Variants in TMEM63C observed in about 807,000 individuals in gnomAD.
TMEM63C encodes osmosensitive cation channel TMEM63C.
TMEM63C carries 32 observed loss-of-function variants against 99.2 expected under a neutral mutation model. The ratio of observed to expected loss-of-function variants is 0.32; its 90% CI spans 0.24 to 0.43. TMEM63C has a LOEUF of 0.43. Among genes scored for constraint, TMEM63C ranks in the 20% least tolerant of loss-of-function variants. TMEM63C has a pLI of 1.00. For synonymous variants in TMEM63C, 376 were observed against 397.9 expected, an observed-to-expected ratio of 0.94 and a Z score of 0.66; for missense variants, 826 against 1,053.0, an observed-to-expected ratio of 0.78 and a Z score of 2.98.
intron 20 of TMEM63C, 149 bp downstream of exon 20, chr14:77,249,021 C>A: frequency 2.4e-6 from 2 of 817,958 alleles, no homozygotes; most frequent in Non-Finnish European, 4.1e-6. Context: ...GGGTACAGGG[C>A]AGCTGAGGTT....
chr14:77,243,155 G>A, intron 15 of TMEM63C, 99 bp downstream of exon 15: 2 of 1,404,554 alleles, frequency 1.4e-6, no homozygotes, highest in South Asian at 1.3e-5. Context: ...AGGGGGCTGT[G>A]GAGCCCATAC....
chr14:77,216,817 G>A (rs1430194893), intron 2 of TMEM63C, among the ~76,000 whole-genome samples: 1 of 152,040 alleles, frequency 6.6e-6, no homozygotes, highest in African/African-American at 2.4e-5. Flanking sequence ...GACCCTGGCC[G>A]AGCTCTCCGC....
At chr14:77,215,715 C>G (rs1361683173) in intron 2 of TMEM63C, among the ~76,000 whole-genome samples, 1 of 152,086 alleles carries the variant, frequency 6.6e-6, no homozygotes, top group South Asian at 2.1e-4. Flanking sequence ...AGCATGTGTG[C>G]TGCCTTCCCT....
intron 1 of TMEM63C, among the ~76,000 whole-genome samples, chr14:77,205,222 G>A (rs1445774765): frequency 2.6e-5 from 4 of 152,208 alleles, no homozygotes; most frequent in Non-Finnish European, 5.9e-5. Context: ...AGAACACTAG[G>A]CAGGGCCCCA....
chr14:77,234,554 T>C (rs1056317164), intron 8 of TMEM63C, among the ~76,000 whole-genome samples: 3 of 152,232 alleles, frequency 2.0e-5, no homozygotes, highest in Non-Finnish European at 4.4e-5. Context: ...CCATGTAGCC[T>C]TGCCCTTCTG....
At chr14:77,190,002 T>C (rs1358411986) in intron 1 of TMEM63C, among the ~76,000 whole-genome samples, 3 of 152,226 alleles carry the variant, frequency 2.0e-5, no homozygotes, top group Non-Finnish European at 4.4e-5. Context: ...TGTCATTTTA[T>C]GATTTTTTAG....
chr14:77,230,789 CA>C (rs1208940529), intron 6 of TMEM63C, among the ~76,000 whole-genome samples: 3 of 152,172 alleles, frequency 2.0e-5, no homozygotes, highest in Non-Finnish European at 4.4e-5. Context: ...TCCCTGGTGC[CA>C]AAAAGGTTAG....
At chr14:77,249,659 C>T (rs1172882342) in intron 21 of TMEM63C, among the ~76,000 whole-genome samples, 1 of 152,204 alleles carries the variant, frequency 6.6e-6, no homozygotes, top group Non-Finnish European at 1.5e-5. Flanking sequence ...AGAGGAGGCC[C>T]TGGACCAACA....
chr14:77,231,836 C>A, intron 7 of TMEM63C, 106 bp downstream of exon 7: 1 of 1,282,948 alleles, frequency 7.8e-7, no homozygotes, highest in Non-Finnish European at 1.1e-6. Flanking sequence ...TTTAATCCTG[C>A]CTCTGGGAGT....
At position 77,249,302 on chromosome 14, in the gene TMEM63C, C is replaced by A; in HGVS notation, c.1882C>A (p.Leu628Met). ...PIIVPFGLLY[L>M]CMKHLTDRYN... is the part of the protein sequence containing the mutation. ...CCTTTGTCCCCCAGGGTTGCTCTAC[C>A]TGTGCATGAAGCACTTGACGGATCG... is the stretch of plus-strand genomic sequence containing the variant. Residue 628 changes from leucine to methionine, a missense_variant, in exon 21 of 24, where the codon CTG becomes ATG. Coordinates refer to ENST00000298351, the MANE Select transcript of TMEM63C (RefSeq NM_020431.4). The A allele has an allele frequency of 6.2e-7, 1 of 1,613,988 alleles. No homozygotes were observed. The highest frequency in any genetic ancestry group is 8.5e-7 in the Non-Finnish European group (1 of 1,179,892).
intron 1 of TMEM63C, among the ~76,000 whole-genome samples, chr14:77,209,771 G>A (rs1222643109): frequency 6.6e-6 from 1 of 152,146 alleles, no homozygotes; most frequent in African/African-American, 2.4e-5. Context: ...TAGGGGTGGG[G>A]CAAGCAACTC....
intron 7 of TMEM63C, 59 bp downstream of exon 7, chr14:77,231,789 G>A (rs1888948159): frequency 6.5e-7 from 1 of 1,540,170 alleles, no homozygotes; most frequent in Non-Finnish European, 8.8e-7. Flanking sequence ...AGCCAGGCAA[G>A]CCAGTCAGGG....
intron 2 of TMEM63C, among the ~76,000 whole-genome samples, chr14:77,215,909 C>T (rs56163542): frequency 0.28 from 43,219 of 152,140 alleles, 7,343 homozygotes; most frequent in East Asian, 0.59. Context: ...CCTCCAATTA[C>T]TCTTCCAGAG....
At chr14:77,186,491 C>T (rs925373147) in intron 1 of TMEM63C, among the ~76,000 whole-genome samples, 2 of 152,010 alleles carry the variant, frequency 1.3e-5, no homozygotes, top group Non-Finnish European at 2.9e-5. Flanking sequence ...ATTGCTTGAG[C>T]CCAGGAGTTC....
At chr14:77,205,549 G>C (rs566764516) in intron 1 of TMEM63C, among the ~76,000 whole-genome samples, 9 of 152,368 alleles carry the variant, frequency 5.9e-5, no homozygotes, top group African/African-American at 1.9e-4. Flanking sequence ...TACCCAGAAG[G>C]CTCCCTGAAG....
At chr14:77,226,600 T>C (rs1294339283) in intron 6 of TMEM63C, among the ~76,000 whole-genome samples, 1 of 152,074 alleles carries the variant, frequency 6.6e-6, no homozygotes, top group Non-Finnish European at 1.5e-5. Context: ...ACAGGCGCGA[T>C]GTGGGATGTG....
At position 77,255,745 on chromosome 14, in the gene TMEM63C, G is replaced by A. The variant is rs7144033; in HGVS notation, c.2221-781G>A. Among the ~76,000 whole-genome samples the A allele has an allele frequency of 5.3e-3, 808 of 152,314 alleles. 3 individuals are homozygous for A. The highest frequency in any genetic ancestry group is 0.018 in the African/African-American group (751 of 41,576). On this transcript the variant is annotated intron_variant, in intron 23 of 23. Transcript: ENST00000298351. ...CCTTCTAATTAGGGGAATGACAGGTGGATTTTTCCATGGTTCAGTTGACAT... is the reference window on the plus strand; with the variant it reads ...CCTTCTAATTAGGGGAATGACAGGTAGATTTTTCCATGGTTCAGTTGACAT...
chr14:77,239,547 G>A, intron 11 of TMEM63C, 55 bp downstream of exon 11: 2 of 1,612,226 alleles, frequency 1.2e-6, no homozygotes, highest in South Asian at 1.1e-5. Context: ...AGGGGAGGAT[G>A]GGGCTCTGCT....
chr14:77,234,636 G>A (rs1279195954), intron 8 of TMEM63C, among the ~76,000 whole-genome samples: 1 of 152,196 alleles, frequency 6.6e-6, no homozygotes, highest in African/African-American at 2.4e-5. Flanking sequence ...GAGGTGCCAG[G>A]CACCAGGGGT....
Sources: allele counts gnomAD v4.1 joint callset (sites outside exome capture counted in the v4.1 genomes callset), GRCh38; gene constraint gnomAD v4.1.1; transcripts MANE v1.5; gene names NCBI Gene and HGNC (gene_info 2026-07-23, HGNC 2026-07-21).